COL5A2: variants seen among roughly 807,000 people sequenced by gnomAD.
The protein encoded by COL5A2 is collagen type V alpha 2 chain, also known as collagen alpha-2(V) chain.
In COL5A2, 23 loss-of-function variants were observed where a neutral mutation model predicts 208.2. That is an observed-to-expected ratio of 0.11 (90% CI 0.08 to 0.16). The LOEUF (loss-of-function observed/expected upper bound fraction) is 0.16. Among genes scored for constraint, COL5A2 ranks in the 10% least tolerant of loss-of-function variants. COL5A2 has a pLI of 1.00. For synonymous variants in COL5A2, 625 were observed against 628.5 expected (o/e 0.99, Z 0.08); for missense variants, 1,590 against 1,956.4 (o/e 0.81, Z 3.53).
chr2:189,285,000 C>T, the COL5A2 span, among the ~76,000 whole-genome samples: 2 of 150,202 alleles, frequency 1.3e-5, no homozygotes, highest in Non-Finnish European at 3.0e-5. Flanking sequence ...TTATGAATTC[C>T]CTTCCTCTAT....
the COL5A2 span, among the ~76,000 whole-genome samples, chr2:189,416,120 A>G: frequency 6.6e-6 from 1 of 152,224 alleles, no homozygotes; most frequent in Admixed American, 6.5e-5. Flanking sequence ...GTGGGACTGT[A>G]AACTAGTTCA....
At chr2:189,262,053 C>T in the COL5A2 span, among the ~76,000 whole-genome samples, 2 of 152,046 alleles carry the variant, frequency 1.3e-5, no homozygotes, top group Non-Finnish European at 2.9e-5. Flanking sequence ...TGTTAAATGA[C>T]TTAATCTCAG....
chr2:189,402,411 G>A, the COL5A2 span, among the ~76,000 whole-genome samples: 12 of 152,062 alleles, frequency 7.9e-5, no homozygotes, highest in Admixed American at 2.6e-4. Flanking sequence ...AGTAGAGATG[G>A]GGTTTCATCA....
chr2:189,109,707 T>TCCTGGA (rs1379383353), intron 2 of COL5A2, among the ~76,000 whole-genome samples: 1 of 152,228 alleles, frequency 6.6e-6, no homozygotes, highest in Non-Finnish European at 1.5e-5. Context: ...TTATTTTTTC[T>TCCTGGA]CCTGGAAATC....
the COL5A2 span, among the ~76,000 whole-genome samples, chr2:189,360,908 T>C: frequency 6.6e-6 from 1 of 152,204 alleles, no homozygotes; most frequent in Admixed American, 6.5e-5. Flanking sequence ...CTGAGGATAA[T>C]GGCTTCCAGC....
the COL5A2 span, among the ~76,000 whole-genome samples, chr2:189,298,834 T>C: frequency 6.6e-6 from 1 of 152,154 alleles, no homozygotes; most frequent in African/African-American, 2.4e-5. Flanking sequence ...TGTATGACAC[T>C]TTCCATCTCT....
intron 3 of COL5A2, among the ~76,000 whole-genome samples, chr2:189,101,163 T>C (rs1020552783): frequency 1.3e-5 from 2 of 152,054 alleles, no homozygotes; most frequent in Non-Finnish European, 2.9e-5. Flanking sequence ...TACTGGGCAA[T>C]TGTGTAGGAT....
chr2:189,204,118 C>T (rs890729126), intron 1 of COL5A2, among the ~76,000 whole-genome samples: 5 of 152,052 alleles, frequency 3.3e-5, no homozygotes, highest in Non-Finnish European at 7.4e-5. Context: ...AGGATGGTCT[C>T]GATCTCCTGA....
At chr2:189,058,585 A>G (rs1201471426) in intron 32 of COL5A2, 58 bp from the exon 33 acceptor site, 1 of 1,460,974 alleles carries the variant, frequency 6.8e-7, no homozygotes, top group Non-Finnish European at 9.6e-7. Flanking sequence ...ATAGGTCAAA[A>G]TGTTTCTGAG....
the COL5A2 span, among the ~76,000 whole-genome samples, chr2:189,298,259 C>G: frequency 6.6e-6 from 1 of 152,220 alleles, no homozygotes; most frequent in African/African-American, 2.4e-5. Flanking sequence ...CTCTGCTTCT[C>G]TGGCTGGACA....
chr2:189,291,985 T>C, the COL5A2 span, among the ~76,000 whole-genome samples: 1,910 of 152,296 alleles, frequency 0.013, 33 homozygotes, highest in African/African-American at 0.044. Flanking sequence ...CATTTTATTA[T>C]GTGATCATAA....
At chr2:189,059,224 G>T (rs1254208271) in intron 31 of COL5A2, among the ~76,000 whole-genome samples, 2 of 151,892 alleles carry the variant, frequency 1.3e-5, no homozygotes, top group Non-Finnish European at 2.9e-5. Flanking sequence ...TTAAACTAAT[G>T]GAAGATGAAA....
the COL5A2 span, among the ~76,000 whole-genome samples, chr2:189,440,356 T>C: frequency 2.6e-5 from 4 of 152,208 alleles, no homozygotes; most frequent in South Asian, 8.3e-4. Context: ...ACCTAGATGG[T>C]ACAGCCTACT....
At chr2:189,333,516 CTATATGT>C in the COL5A2 span, among the ~76,000 whole-genome samples, 1 of 152,022 alleles carries the variant, frequency 6.6e-6, no homozygotes, top group African/African-American at 2.4e-5. Flanking sequence ...ATGTGAGTAG[CTATATGT>C]TATGAGTTGA....
At chr2:189,271,661 G>A in the COL5A2 span, among the ~76,000 whole-genome samples, 4,943 of 152,198 alleles carry the variant, frequency 0.032, 85 homozygotes, top group Admixed American at 0.047. Flanking sequence ...TGATAAATGG[G>A]ATCTAATTAA....
At chr2:189,302,381 A>G in the COL5A2 span, among the ~76,000 whole-genome samples, 1 of 152,036 alleles carries the variant, frequency 6.6e-6, no homozygotes, top group Non-Finnish European at 1.5e-5. Flanking sequence ...CCAGCTCCGT[A>G]CTCTACAGAC....
the COL5A2 span, among the ~76,000 whole-genome samples, chr2:189,311,042 T>C: frequency 1.3e-5 from 2 of 152,066 alleles, no homozygotes; most frequent in African/African-American, 4.8e-5. Flanking sequence ...TAAAGCACCA[T>C]GCAAGTGGGG....
chr2:189,134,876 T>A (rs1408729997), intron 1 of COL5A2, among the ~76,000 whole-genome samples: 1 of 152,228 alleles, frequency 6.6e-6, no homozygotes, highest in South Asian at 2.1e-4. Context: ...TAATCCCAAT[T>A]AATTTTTCAT....
chr2:189,269,714 T>C, the COL5A2 span, among the ~76,000 whole-genome samples: 2 of 152,172 alleles, frequency 1.3e-5, no homozygotes, highest in Non-Finnish European at 1.5e-5. Flanking sequence ...TTGTTGTGTC[T>C]CTGCCAGGTT....
Sources: gnomAD v4.1 joint callset for allele counts (sites outside exome capture counted in the v4.1 genomes callset) on GRCh38, gnomAD v4.1.1 for gene constraint, MANE v1.5 for transcripts, NCBI Gene and HGNC (gene_info 2026-07-23, HGNC 2026-07-21) for gene names.